The following ZFHX3 variants were observed in gnomAD, a reference collection of about 807,000 sequenced individuals.
The protein encoded by ZFHX3 is zinc finger homeobox protein 3.
In ZFHX3, 42 loss-of-function variants were observed where a neutral mutation model predicts 279.1. The ratio of observed to expected loss-of-function variants is 0.15; its 90% confidence interval spans 0.12 to 0.19. ZFHX3 has a LOEUF of 0.19. Among genes scored for constraint, ZFHX3 ranks in the 10% least tolerant of loss-of-function variants. ZFHX3 has a pLI of 1.00. For synonymous variants in ZFHX3, 2,293 were observed against 1,957.8 expected (o/e 1.17, Z -4.52); for missense variants, 4,981 against 4,754.0 (o/e 1.05, Z -1.40).
At chr16:73,542,906 T>C (rs2020044178) in intron 2 of ZFHX3, among the ~76,000 whole-genome samples, 1 of 152,142 alleles carries the variant, frequency 6.6e-6, no homozygotes, top group Non-Finnish European at 1.5e-5. Context: ...CTTCACTCTG[T>C]TGTGTAAATT....
rs754322025 is a variant in ZFHX3 at position 72,787,873 on chromosome 16, C to T, written c.10403G>A (p.Arg3468His). 8.1e-6 allele frequency: 13 copies of T among 1,613,828 alleles called. No individual in the cohort carries two copies. The highest frequency in any genetic ancestry group is 4.5e-5 in the East Asian group (2 of 44,878). The change falls in exon 10 of 10, where the codon CGC becomes CAC. Residue 3468 changes from arginine to histidine, a missense_variant. Arg to His is a conservative substitution (Grantham distance 29). Coordinates refer to ENST00000268489, the MANE Select transcript of ZFHX3 (RefSeq NM_006885.4). ...VPKVQYKLVC[R>H]KCQAGFSDEE... ...GTCGCTGAAGCCCGCCTGGCACTTGCGGCAGACCAACTTGTACTGCACCTT... is the reference window on the plus strand; with the variant it reads ...GTCGCTGAAGCCCGCCTGGCACTTGTGGCAGACCAACTTGTACTGCACCTT...
intron 5 of ZFHX3, among the ~76,000 whole-genome samples, chr16:72,821,310 T>A (rs919463405): frequency 6.6e-6 from 1 of 152,194 alleles, no homozygotes; most frequent in South Asian, 2.1e-4. Context: ...TTCTCCACTT[T>A]CCCCTCCAGA....
intron 1 of ZFHX3, among the ~76,000 whole-genome samples, chr16:72,985,354 T>G (rs1161681674): frequency 1.3e-5 from 2 of 152,166 alleles, no homozygotes; most frequent in Non-Finnish European, 2.9e-5. Flanking sequence ...ATCCTAGAAC[T>G]AGATGTCCCC....
rs3081625 is a variant in ZFHX3, at chr16:73,004,159, CTTTTTTTTTTTT to C, written c.-50+43581_-50+43592del. ...CAATAATAACTACATAAAAACACGA[CTTTTTTTTTTTT>C]TTTTTTTTTTTTTAAGTAGAGACAG... is the stretch of plus-strand genomic sequence containing the variant. On this transcript the variant is annotated intron_variant, in intron 1 of 9. Transcript: ENST00000268489. Among the ~76,000 whole-genome samples, 7 of 49,372 alleles carry C rather than the reference CTTTTTTTTTTTT, an allele frequency of 1.4e-4. No individual in the cohort carries two copies. In the East Asian group the frequency reaches 4.9e-3, roughly 35 times the overall value. 32.4% of individuals were successfully genotyped at this position (49,372 alleles called of 152,430 possible). A position where few individuals can be genotyped will look rare whatever the true frequency, so the allele number is the denominator to read the frequency against.
At chr16:73,888,229 G>T (rs990982241) in intron 1 of ZFHX3, among the ~76,000 whole-genome samples, 11 of 152,168 alleles carry the variant, frequency 7.2e-5, no homozygotes, top group African/African-American at 2.7e-4. Context: ...ACAAAATAAT[G>T]AAGAAGAAAT....
chr16:73,589,188 AG>A (rs2051962507), intron 2 of ZFHX3, among the ~76,000 whole-genome samples: 1 of 126,984 alleles, frequency 7.9e-6, no homozygotes. Context: ...TGACCCTCGG[AG>A]GGGAAGGTTG....
chr16:73,104,748 C>T (rs1422910905), intron 7 of ZFHX3, among the ~76,000 whole-genome samples: 3 of 152,196 alleles, frequency 2.0e-5, no homozygotes, highest in Non-Finnish European at 4.4e-5. Context: ...GTATCCTCTT[C>T]ACCTGGCTAA....
chr16:73,621,022 T>C (rs577465374), intron 2 of ZFHX3, among the ~76,000 whole-genome samples: 3 of 152,312 alleles, frequency 2.0e-5, no homozygotes, highest in Non-Finnish European at 1.5e-5. Flanking sequence ...GATCGTAGCA[T>C]CCATCTTCCA....
At chr16:73,760,560 A>G (rs911222756) in intron 1 of ZFHX3, among the ~76,000 whole-genome samples, 16 of 152,208 alleles carry the variant, frequency 1.1e-4, no homozygotes, top group African/African-American at 2.4e-4. Context: ...ATGAACATCA[A>G]TGTAAAAATC....
rs780152172 is a variant in ZFHX3 at position 72,796,007 on chromosome 16, G to C, written c.6675C>G (p.Asp2225Glu). Residue 2225 changes from aspartate to glutamate, a missense_variant, in exon 9 of 10, where the codon GAC becomes GAG. This residue lies in a region of ZFHX3 where 177 missense variants were observed against 244.2 expected (regional missense o/e 0.72). Coordinates refer to ENST00000268489, the MANE Select transcript of ZFHX3 (RefSeq NM_006885.4). Reference sequence around the variant, plus strand: ...GAGGTTCCGGCGAAGGGGGCCGGGAGTCAATCTTGAGCTCCTCCAGGCTGG... The same window carrying C: ...GAGGTTCCGGCGAAGGGGGCCGGGACTCAATCTTGAGCTCCTCCAGGCTGG... ...PITSLEELKI[D>E]SRPPSPEPPK... The C allele has an allele frequency of 6.2e-7, 1 of 1,614,200 alleles. No homozygotes were observed.
rs957260148 is a variant in ZFHX3 at position 73,650,198 on chromosome 16, A to T, written c.-1547+29982T>A. On this transcript the variant is annotated intron_variant, in intron 2 of 17. Transcript: ENST00000641206. ...ATTCATAACCTGAATCATGGTTCAA[A>T]TAAGAACCTTTAAGTAGCTATTTAA... Among the ~76,000 whole-genome samples, 23 of 152,298 alleles carry T rather than the reference A, an allele frequency of 1.5e-4. No homozygotes were observed. In the East Asian group the frequency reaches 4.4e-3, roughly 29 times the overall value.
intron 2 of ZFHX3, among the ~76,000 whole-genome samples, chr16:73,567,617 C>G (rs548537424): frequency 1.3e-5 from 2 of 152,222 alleles, no homozygotes; most frequent in African/African-American, 4.8e-5. Flanking sequence ...CATACTCAAC[C>G]TCCATGTGAA....
chr16:73,338,502 C>T (rs1225062857), intron 3 of ZFHX3, among the ~76,000 whole-genome samples: 1 of 152,050 alleles, frequency 6.6e-6, no homozygotes, highest in East Asian at 1.9e-4. Context: ...CTATATGGGG[C>T]CTCTTAACCC....
At chr16:73,483,110 C>T (rs2018899839) in intron 2 of ZFHX3, among the ~76,000 whole-genome samples, 3 of 152,198 alleles carry the variant, frequency 2.0e-5, no homozygotes, top group Admixed American at 2.0e-4. Flanking sequence ...AACATCCCCT[C>T]CTCTGAATGT....
rs147476451 is a variant in ZFHX3, at chr16:73,865,122, T to A, written c.-1608+26529A>T. ...GGCATCACAGCTGTCACAGCTGAGG[T>A]CCCAGAAAAATGAGTCATCACAGTC... On this transcript the variant is annotated intron_variant, in intron 1 of 17. Coordinates refer to the ZFHX3 transcript ENST00000641206. Among the ~76,000 whole-genome samples, 732 of 152,214 alleles carry A rather than the reference T, an allele frequency of 4.8e-3. 7 individuals are homozygous for A. The highest frequency in any genetic ancestry group is 0.016 in the African/African-American group (680 of 41,528).
intron 4 of ZFHX3, among the ~76,000 whole-genome samples, chr16:73,280,598 A>G (rs2014431074): frequency 6.6e-6 from 1 of 152,164 alleles, no homozygotes; most frequent in Admixed American, 6.5e-5. Flanking sequence ...TTTTAAAAAA[A>G]AGGCAAGTGT....
At chr16:73,530,104 G>A (rs145919822) in intron 2 of ZFHX3, among the ~76,000 whole-genome samples, 1,761 of 152,242 alleles carry the variant, frequency 0.012, 36 homozygotes, top group African/African-American at 0.04. Context: ...ACAGTTCCAC[G>A]TGGCTGGGGA....
chr16:73,350,501 C>G (rs900907093), intron 3 of ZFHX3, among the ~76,000 whole-genome samples: 1 of 152,158 alleles, frequency 6.6e-6, no homozygotes, highest in Non-Finnish European at 1.5e-5. Flanking sequence ...AGAGGTGGTA[C>G]TTGGGATTCC....
intron 1 of ZFHX3, among the ~76,000 whole-genome samples, chr16:73,028,443 C>T (rs1335630629): frequency 1.3e-5 from 2 of 152,064 alleles, no homozygotes; most frequent in Admixed American, 6.5e-5. Context: ...CTCCAGAGCC[C>T]GGGGCAGTGT....
Sources: gnomAD v4.1 joint callset for allele counts (sites outside exome capture counted in the v4.1 genomes callset) on GRCh38, gnomAD v4.1.1 for gene constraint, gnomAD v4.1.1 regional missense constraint, MANE v1.5 for transcripts, NCBI Gene and HGNC (gene_info 2026-07-23, HGNC 2026-07-21) for gene names.